The following WWC2 variants were observed in gnomAD, a reference collection of about 807,000 sequenced individuals.
The protein encoded by WWC2 is protein WWC2.
In WWC2, 101 loss-of-function variants were observed where a neutral mutation model predicts 138.5. The observed-to-expected ratio is 0.73, with a 90% CI of 0.62 to 0.86. WWC2 has a LOEUF of 0.86. Among genes scored for constraint, WWC2 ranks in the 40% least tolerant of loss-of-function variants. The pLI is 0.00. For synonymous variants in WWC2, 558 were observed against 538.4 expected, an observed-to-expected ratio of 1.04 and a Z score of -0.50; for missense variants, 1,420 against 1,419.4, an observed-to-expected ratio of 1.00 and a Z score of -0.01.
At chr4:183,114,225 G>GT (rs1208054289) in intron 1 of WWC2, among the ~76,000 whole-genome samples, 13 of 152,220 alleles carry the variant, frequency 8.5e-5, no homozygotes, top group Non-Finnish European at 1.5e-5. Context: ...GCCATATGAT[G>GT]TGCCTGCTCC....
At chr4:183,164,536 A>G (rs1734082111) in intron 1 of WWC2, among the ~76,000 whole-genome samples, 1 of 151,534 alleles carries the variant, frequency 6.6e-6, no homozygotes, top group Admixed American at 6.6e-5. Flanking sequence ...ACCTTTTTTA[A>G]AAAAGCTAAA....
chr4:183,163,610 A>T (rs1406440987), intron 1 of WWC2, among the ~76,000 whole-genome samples: 1 of 152,146 alleles, frequency 6.6e-6, no homozygotes, highest in African/African-American at 2.4e-5. Context: ...AAATTAGGAT[A>T]CGTCTCTATT....
chr4:183,225,595 A>G (rs1320178217), intron 4 of WWC2, among the ~76,000 whole-genome samples: 2 of 152,258 alleles, frequency 1.3e-5, no homozygotes, highest in African/African-American at 4.8e-5. Flanking sequence ...GGAGTAGCAG[A>G]CAAAGCCAAC....
At chr4:183,191,875 G>A (rs879434476) in intron 1 of WWC2, among the ~76,000 whole-genome samples, 5 of 151,954 alleles carry the variant, frequency 3.3e-5, no homozygotes, top group Non-Finnish European at 5.9e-5. Context: ...TTACAGGCAT[G>A]AGCCACAATG....
chr4:183,257,789 C>T (rs72701364), intron 9 of WWC2, among the ~76,000 whole-genome samples: 2,096 of 152,224 alleles, frequency 0.014, 23 homozygotes, highest in Non-Finnish European at 0.022. Context: ...TCATGCTTCT[C>T]CCAGGGAAGG....
At chr4:183,172,578 A>G (rs375366941) in intron 1 of WWC2, among the ~76,000 whole-genome samples, 2 of 68,532 alleles carry the variant, frequency 2.9e-5, no homozygotes, top group African/African-American at 5.7e-5. Context: ...TTTTTTTGTT[A>G]TTGTTATTTG....
intron 1 of WWC2, among the ~76,000 whole-genome samples, chr4:183,146,479 T>G (rs1733464976): frequency 6.6e-6 from 1 of 152,236 alleles, no homozygotes; most frequent in Admixed American, 6.5e-5. Context: ...TTGGAAAAGC[T>G]TTGACAATGA....
intron 1 of WWC2, among the ~76,000 whole-genome samples, chr4:183,109,311 T>C (rs1044995414): frequency 1.3e-5 from 2 of 152,204 alleles, no homozygotes; most frequent in South Asian, 4.1e-4. Flanking sequence ...TCTTTAAAAA[T>C]TTTATAGCAA....
At chr4:183,124,536 C>CTTTTTTTTTTTTTTTTTTT (rs370409813) in intron 1 of WWC2, among the ~76,000 whole-genome samples, 5 of 122,810 alleles carry the variant, frequency 4.1e-5, no homozygotes, top group African/African-American at 1.2e-4. Flanking sequence ...TCCTTTTTCT[C>CTTTTTTTTTTTTTTTTTTT]TTTTTTTTTT....
In WWC2 at chr4:183,317,657, TAC is replaced by T. The variant is rs1355254518; in HGVS notation, c.*1930_*1931del. On this transcript the variant is annotated 3_prime_UTR_variant, in exon 23 of 23. Coordinates refer to ENST00000403733, the MANE Select transcript of WWC2 (RefSeq NM_024949.6). ...ATTTTATTTTCTTCATTTATTTATTTACAGTCTTATTTATGTTCTGTTTAATA... is the reference window on the plus strand; with the variant it reads ...ATTTTATTTTCTTCATTTATTTATTTAGTCTTATTTATGTTCTGTTTAATA... 2.6e-5 allele frequency: 4 copies of T among 152,686 alleles called. No homozygotes were observed. Among genetic ancestry groups the T allele is most frequent in the Admixed American group, 2.6e-4 (4 of 15,288 alleles). 9.5% of individuals were successfully genotyped at this position (152,686 alleles called of 1,614,324 possible). A position where few individuals can be genotyped will look rare whatever the true frequency, so the allele number is the denominator to read the frequency against.
At chr4:183,127,191 C>T (rs867187126) in intron 1 of WWC2, among the ~76,000 whole-genome samples, 4 of 151,902 alleles carry the variant, frequency 2.6e-5, no homozygotes, top group African/African-American at 7.3e-5. Flanking sequence ...AAAGATTAAA[C>T]GTATAAAATT....
intron 16 of WWC2, among the ~76,000 whole-genome samples, chr4:183,276,105 C>G (rs996937847): frequency 1.3e-5 from 2 of 152,002 alleles, no homozygotes; most frequent in African/African-American, 4.8e-5. Context: ...GTTTTAAAAT[C>G]TACTTTGTCT....
At chr4:183,217,672 A>G (rs1376437580) in intron 4 of WWC2, among the ~76,000 whole-genome samples, 1 of 152,174 alleles carries the variant, frequency 6.6e-6, no homozygotes, top group Non-Finnish European at 1.5e-5. Context: ...CTGATTATAC[A>G]TTACCAAATA....
intron 20 of WWC2, 98 bp from the exon 21 acceptor site, chr4:183,289,295 A>G: frequency 6.7e-7 from 1 of 1,489,882 alleles, no homozygotes; most frequent in South Asian, 1.4e-5. Flanking sequence ...TCTAGGGTGC[A>G]AGGAAGCACC....
At chr4:183,100,789 A>G (rs1579934598) in intron 1 of WWC2, among the ~76,000 whole-genome samples, 1 of 152,238 alleles carries the variant, frequency 6.6e-6, no homozygotes, top group Non-Finnish European at 1.5e-5. Context: ...TTATGGAACA[A>G]TCCTTGTTCA....
chr4:183,164,281 TATATATATA>T lies in WWC2; in HGVS notation c.132-29317_132-29309del, dbSNP rs1400226911. On this transcript the variant is annotated intron_variant, in intron 1 of 22. Coordinates refer to ENST00000403733, the MANE Select transcript of WWC2 (RefSeq NM_024949.6). ...TGGTGTGCGCATATATATATATATA[TATATATATA>T]TATATATATACATATATATATTATA... is the stretch of plus-strand genomic sequence containing the variant. 0.03 allele frequency among the ~76,000 whole-genome samples: 29 copies of T among 974 alleles called. No homozygotes were observed. The South Asian group carries it at 0.32, about 11-fold the overall frequency. The allele number at this position is 974 out of a possible 152,430, so 0.6% of individuals were successfully genotyped here.
rs1580126300 is a variant in WWC2, at chr4:183,265,719, G to A, written c.2071G>A (p.Glu691Lys). Residue 691 changes from glutamate to lysine, a missense_variant, in exon 13 of 23, where the codon GAA becomes AAA. By Grantham distance (56) the Glu-to-Lys change is moderately conservative. Transcript: ENST00000403733. ...PSEMEDVTYS[E>K]EDVAIVETAQ... ...TGAAATGGAAGATGTCACATACAGT[G>A]AAGAGGATGTAGCCATTGTAGAGAC... The A allele has an allele frequency of 6.2e-7, 1 of 1,611,936 alleles. No homozygotes were observed. The highest frequency in any genetic ancestry group is 8.5e-7 in the Non-Finnish European group (1 of 1,179,096).
At chr4:183,283,591 C>A (rs1738150085) in intron 18 of WWC2, among the ~76,000 whole-genome samples, 1 of 152,160 alleles carries the variant, frequency 6.6e-6, no homozygotes, top group African/African-American at 2.4e-5. Context: ...TCAAATTATA[C>A]CTATAAGATA....
chr4:183,225,646 C>T lies in WWC2; in HGVS notation c.523-14537C>T, dbSNP rs1231674699. Among the ~76,000 whole-genome samples the T allele has an allele frequency of 2.6e-5, 4 of 152,180 alleles. No homozygotes were observed. In the East Asian group the frequency reaches 7.7e-4, roughly 29 times the overall value. ...TTTAAAAATCAAATGCAATAACTAA[C>T]AGGATGAGAAGCCTTTAGTCGTTCA... On this transcript the variant is annotated intron_variant, in intron 4 of 22. Coordinates refer to ENST00000403733, the MANE Select transcript of WWC2 (RefSeq NM_024949.6).
Sources: allele counts gnomAD v4.1 joint callset (sites outside exome capture counted in the v4.1 genomes callset), GRCh38; gene constraint gnomAD v4.1.1; transcripts MANE v1.5; gene names NCBI Gene and HGNC (gene_info 2026-07-23, HGNC 2026-07-21).